Variants in PPM1L observed in about 807,000 individuals in gnomAD.
The protein encoded by PPM1L is protein phosphatase, Mg2+/Mn2+ dependent 1L, also known as protein phosphatase 1L.
Under a neutral mutation model 31.4 loss-of-function variants are expected in PPM1L, and 13 were observed. That is an observed-to-expected ratio of 0.41 (90% CI 0.27 to 0.66). PPM1L has a LOEUF of 0.66. Among genes scored for constraint, PPM1L ranks in the 30% least tolerant of loss-of-function variants. The probability of loss-of-function intolerance (pLI) is 0.29; values close to 1 mark genes in which losing one functional copy is unlikely to be tolerated. For missense variants in PPM1L, 326 were observed against 453.7 expected (o/e 0.72, Z 2.56); for synonymous variants, 184 against 175.4 (o/e 1.05, Z -0.39).
intron 1 of PPM1L, among the ~76,000 whole-genome samples, chr3:160,893,985 C>G (rs1713245283): frequency 6.6e-6 from 1 of 152,186 alleles, no homozygotes; most frequent in Non-Finnish European, 1.5e-5. Flanking sequence ...GATGATCTTG[C>G]TCAACTAGGC....
At chr3:160,958,328 T>G (rs1359654978) in intron 1 of PPM1L, among the ~76,000 whole-genome samples, 3 of 152,210 alleles carry the variant, frequency 2.0e-5, no homozygotes, top group African/African-American at 7.2e-5. Flanking sequence ...TCGAGTTAAT[T>G]TTTGTATATT....
At chr3:160,784,534 T>C (rs1711844312) in intron 1 of PPM1L, among the ~76,000 whole-genome samples, 1 of 152,216 alleles carries the variant, frequency 6.6e-6, no homozygotes, top group African/African-American at 2.4e-5. Context: ...GAGGTCGGGT[T>C]ACCCATACTG....
intron 2 of PPM1L, among the ~76,000 whole-genome samples, chr3:160,980,976 A>G (rs1716778264): frequency 6.6e-6 from 1 of 151,994 alleles, no homozygotes; most frequent in African/African-American, 2.4e-5. Context: ...CATGATGGAG[A>G]GGATTACCTA....
At chr3:160,881,747 G>A (rs935430656) in intron 1 of PPM1L, among the ~76,000 whole-genome samples, 18 of 152,140 alleles carry the variant, frequency 1.2e-4, no homozygotes, top group African/African-American at 4.3e-4. Flanking sequence ...CCTCAGAGTG[G>A]TCAAGTAAGA....
At chr3:160,908,595 A>AT (rs35755053) in intron 1 of PPM1L, among the ~76,000 whole-genome samples, 1 of 152,078 alleles carries the variant, frequency 6.6e-6, no homozygotes, top group East Asian at 1.9e-4. Context: ...GACTGATGAG[A>AT]TTTTTTCACC....
intron 2 of PPM1L, among the ~76,000 whole-genome samples, chr3:161,001,271 A>C (rs1473657655): frequency 3.3e-5 from 5 of 152,060 alleles, no homozygotes; most frequent in Non-Finnish European, 7.4e-5. Context: ...CAAGGAACTA[A>C]AAGTCTATAG....
At chr3:160,952,376 A>G (rs1255549902) in intron 1 of PPM1L, among the ~76,000 whole-genome samples, 1 of 152,196 alleles carries the variant, frequency 6.6e-6, no homozygotes, top group African/African-American at 2.4e-5. Context: ...TTTCAAGGGC[A>G]GGGAAACCTT....
intron 1 of PPM1L, among the ~76,000 whole-genome samples, chr3:160,819,451 G>C (rs910914783): frequency 6.6e-6 from 1 of 151,964 alleles, no homozygotes; most frequent in Non-Finnish European, 1.5e-5. Flanking sequence ...CTGCACTACA[G>C]ATACAATGAT....
At chr3:160,773,648 G>A (rs910105895) in intron 1 of PPM1L, among the ~76,000 whole-genome samples, 3 of 152,148 alleles carry the variant, frequency 2.0e-5, no homozygotes, top group Admixed American at 2.0e-4. Context: ...TTTTAGAAAA[G>A]TGCAGAGGGT....
At chr3:160,762,707 G>T (rs2108055677) in intron 1 of PPM1L, among the ~76,000 whole-genome samples, 1 of 152,266 alleles carries the variant, frequency 6.6e-6, no homozygotes, top group Middle Eastern at 3.4e-3. Context: ...CAGCGATTGG[G>T]TGGAGAAAGG....
At chr3:161,033,919 G>C (rs1718656048) in intron 2 of PPM1L, among the ~76,000 whole-genome samples, 1 of 152,128 alleles carries the variant, frequency 6.6e-6, no homozygotes, top group African/African-American at 2.4e-5. Flanking sequence ...TACAGAATGG[G>C]AGAAAATTTT....
intron 1 of PPM1L, among the ~76,000 whole-genome samples, chr3:160,888,655 C>A (rs1294497150): frequency 6.6e-6 from 1 of 152,218 alleles, no homozygotes; most frequent in African/African-American, 2.4e-5. Context: ...AGGACTTGAA[C>A]TCAGCTCTGG....
chr3:160,766,903 A>G (rs1041075211), intron 1 of PPM1L, among the ~76,000 whole-genome samples: 1 of 147,534 alleles, frequency 6.8e-6, no homozygotes, highest in South Asian at 2.1e-4. Context: ...CCTAGAAGAC[A>G]AGAGAGTTCC....
At chr3:160,997,528 C>T (rs1717363074) in intron 2 of PPM1L, among the ~76,000 whole-genome samples, 1 of 152,066 alleles carries the variant, frequency 6.6e-6, no homozygotes, top group Non-Finnish European at 1.5e-5. Flanking sequence ...TTTTACGAGA[C>T]TCAGGTATAG....
At chr3:160,808,416 T>TGTGTGTGTGTGCGCGTGC (rs1553808362) in intron 1 of PPM1L, among the ~76,000 whole-genome samples, 1 of 129,276 alleles carries the variant, frequency 7.7e-6, no homozygotes, top group African/African-American at 3.2e-5. Flanking sequence ...TGTGTGTGTG[T>TGTGTGTGTGTGCGCGTGC]GTGTGTGGTG....
At chr3:160,802,522 G>A (rs1382489991) in intron 1 of PPM1L, among the ~76,000 whole-genome samples, 1 of 152,192 alleles carries the variant, frequency 6.6e-6, no homozygotes, top group African/African-American at 2.4e-5. Flanking sequence ...TGTTTATTGA[G>A]CGCCGGGCTG....
At chr3:160,773,123 C>T (rs1398617271) in intron 1 of PPM1L, among the ~76,000 whole-genome samples, 1 of 152,162 alleles carries the variant, frequency 6.6e-6, no homozygotes, top group African/African-American at 2.4e-5. Flanking sequence ...AGAAACTGCT[C>T]AACTGTTTTC....
At chr3:160,937,406 G>A (rs1357532095) in intron 1 of PPM1L, among the ~76,000 whole-genome samples, 1 of 152,090 alleles carries the variant, frequency 6.6e-6, no homozygotes, top group African/African-American at 2.4e-5. Context: ...GGATCACAAG[G>A]TCAGGAGATC....
chr3:161,001,252 G>C (rs1331920104), intron 2 of PPM1L, among the ~76,000 whole-genome samples: 1 of 151,972 alleles, frequency 6.6e-6, no homozygotes, highest in Admixed American at 6.6e-5. Flanking sequence ...CAAACAACAA[G>C]AAAATACCCA....
Sources: allele counts gnomAD v4.1 joint callset (sites outside exome capture counted in the v4.1 genomes callset), GRCh38; gene constraint gnomAD v4.1.1; transcripts MANE v1.5; gene names NCBI Gene and HGNC (gene_info 2026-07-23, HGNC 2026-07-21).